The following FOXP1 variants were observed in gnomAD, a reference collection of about 807,000 sequenced individuals.
FOXP1 encodes forkhead box protein P1.
A neutral mutation model predicts 98.2 loss-of-function variants in FOXP1; 15 were observed. The observed-to-expected ratio is 0.15, with a 90% confidence interval of 0.10 to 0.24. The LOEUF (loss-of-function observed/expected upper bound fraction) is 0.24. Among genes scored for constraint, FOXP1 ranks in the 10% least tolerant of loss-of-function variants. FOXP1 has a pLI of 1.00. For missense variants in FOXP1, 633 were observed against 848.5 expected, an observed-to-expected ratio of 0.75 and a Z score of 3.15; for synonymous variants, 371 against 314.5, an observed-to-expected ratio of 1.18 and a Z score of -1.90.
intron 4 of FOXP1, among the ~76,000 whole-genome samples, chr3:71,307,923 G>A (rs888906448): frequency 2.6e-5 from 4 of 152,198 alleles, no homozygotes; most frequent in Non-Finnish European, 4.4e-5. Context: ...AATGAGGACA[G>A]TGAAATAAAG....
chr3:71,526,354 A>G (rs1578014844), intron 2 of FOXP1, among the ~76,000 whole-genome samples: 2 of 152,270 alleles, frequency 1.3e-5, no homozygotes, highest in East Asian at 3.9e-4. Flanking sequence ...GACAAAGTGG[A>G]CCTTCTCTGC....
chr3:71,473,489 C>G (rs1485040667), intron 3 of FOXP1, among the ~76,000 whole-genome samples: 1 of 152,072 alleles, frequency 6.6e-6, no homozygotes, highest in East Asian at 1.9e-4. Flanking sequence ...AAAATATTGT[C>G]CCAAAATTTT....
At chr3:71,476,489 T>G (rs1303691265) in intron 3 of FOXP1, among the ~76,000 whole-genome samples, 1 of 152,102 alleles carries the variant, frequency 6.6e-6, no homozygotes, top group Non-Finnish European at 1.5e-5. Flanking sequence ...GACTGCCATT[T>G]CATTGCAGAA....
chr3:71,112,415 T>G, intron 7 of FOXP1, 121 bp downstream of exon 7: 1 of 844,296 alleles, frequency 1.2e-6, no homozygotes, highest in Non-Finnish European at 1.9e-6. Context: ...AAACCAAAAA[T>G]GCACTTTCCA....
chr3:71,000,301 TTATATA>T (rs3060664), intron 13 of FOXP1, among the ~76,000 whole-genome samples: 11 of 149,858 alleles, frequency 7.3e-5, no homozygotes, highest in African/African-American at 9.8e-5. Flanking sequence ...ATACTAGATT[TTATATA>T]TATATATATA....
chr3:71,148,464 A>G (rs534555242), intron 6 of FOXP1, among the ~76,000 whole-genome samples: 2 of 152,294 alleles, frequency 1.3e-5, no homozygotes, highest in African/African-American at 4.8e-5. Flanking sequence ...TCTTAAAGAA[A>G]ACTTGCATTT....
chr3:71,082,099 T>C, intron 7 of FOXP1, among the ~76,000 whole-genome samples: 1 of 151,842 alleles, frequency 6.6e-6, no homozygotes, highest in East Asian at 1.9e-4. Flanking sequence ...ACCAACATGG[T>C]GAAACCTCAT....
At chr3:71,555,927 AAGAAG>A (rs1341768001) in intron 2 of FOXP1, among the ~76,000 whole-genome samples, 1 of 152,150 alleles carries the variant, frequency 6.6e-6, no homozygotes, top group African/African-American at 2.4e-5. Context: ...GAGGAAGAGA[AAGAAG>A]AGGAGGAGGA....
intron 17 of FOXP1, among the ~76,000 whole-genome samples, chr3:70,974,183 GGAA>G (rs758092139): frequency 4.6e-5 from 7 of 152,008 alleles, no homozygotes; most frequent in Non-Finnish European, 1.0e-4. Flanking sequence ...CAAAAAAGTT[GGAA>G]GAAGGATTTG....
rs572254296 is a variant in FOXP1, at chr3:71,074,506, C to T, written c.283-20733G>A. 3.3e-5 allele frequency among the ~76,000 whole-genome samples: 5 copies of T among 152,272 alleles called. No homozygotes were observed. In the South Asian group the frequency reaches 6.2e-4, roughly 19 times the overall value. On this transcript the variant is annotated intron_variant, in intron 7 of 20. Coordinates refer to ENST00000649528, the MANE Select transcript of FOXP1 (RefSeq NM_001349338.3). ...CCTTCCAAAGTACTGGGATTACAGG[C>T]GTTGAGTCACTGCACATGGCCAGCT... is the stretch of plus-strand genomic sequence containing the variant.
intron 13 of FOXP1, among the ~76,000 whole-genome samples, chr3:70,996,808 G>C (rs192339404): frequency 1.2e-3 from 184 of 152,288 alleles, no homozygotes; most frequent in African/African-American, 4.3e-3. Flanking sequence ...TTACGATGGG[G>C]CACATGTGTG....
chr3:71,359,813 A>G (rs1250650687), intron 3 of FOXP1, among the ~76,000 whole-genome samples: 1 of 152,038 alleles, frequency 6.6e-6, no homozygotes, highest in Non-Finnish European at 1.5e-5. Context: ...TTTTCCAGAC[A>G]CAGTCTTCTT....
intron 3 of FOXP1, among the ~76,000 whole-genome samples, chr3:71,490,694 T>C (rs1250604410): frequency 6.6e-6 from 1 of 152,176 alleles, no homozygotes; most frequent in African/African-American, 2.4e-5. Flanking sequence ...AAAACAGATA[T>C]CATTTTCATT....
At chr3:71,046,280 A>C (rs975018744) in intron 10 of FOXP1, among the ~76,000 whole-genome samples, 1 of 152,198 alleles carries the variant, frequency 6.6e-6, no homozygotes, top group Admixed American at 6.5e-5. Context: ...GGGCTTTGTA[A>C]AAGAAATTTA....
At chr3:71,558,552 T>C (rs2046306969) in intron 2 of FOXP1, among the ~76,000 whole-genome samples, 3 of 151,746 alleles carry the variant, frequency 2.0e-5, no homozygotes, top group African/African-American at 7.3e-5. Context: ...TGGAGTGCAG[T>C]AGGGTGATCT....
intron 6 of FOXP1, among the ~76,000 whole-genome samples, chr3:71,178,455 A>T (rs1176383685): frequency 6.6e-6 from 1 of 151,954 alleles, no homozygotes; most frequent in Non-Finnish European, 1.5e-5. Context: ...ACCCATAAAC[A>T]TCTTTGACAG....
chr3:71,538,261 CAATAT>C (rs1487579115), intron 2 of FOXP1, among the ~76,000 whole-genome samples: 5 of 152,166 alleles, frequency 3.3e-5, no homozygotes, highest in Non-Finnish European at 7.3e-5. Context: ...ACCATCACCA[CAATAT>C]AAGTTAGAAG....
chr3:71,236,793 A>G (rs1317232788), intron 5 of FOXP1, among the ~76,000 whole-genome samples: 1 of 151,876 alleles, frequency 6.6e-6, no homozygotes, highest in Non-Finnish European at 1.5e-5. Context: ...GGACAGTTTG[A>G]GCCCAGGTGG....
chr3:71,322,099 T>C (rs899119360), intron 4 of FOXP1, among the ~76,000 whole-genome samples: 2 of 152,174 alleles, frequency 1.3e-5, no homozygotes, highest in Admixed American at 6.5e-5. Flanking sequence ...CTACAAAAGA[T>C]GAAAATTTTT....
Sources: gnomAD v4.1 joint callset for allele counts (sites outside exome capture counted in the v4.1 genomes callset) on GRCh38, gnomAD v4.1.1 for gene constraint, MANE v1.5 for transcripts, NCBI Gene and HGNC (gene_info 2026-07-23, HGNC 2026-07-21) for gene names.